RBFOX1: variants seen among roughly 807,000 people sequenced by gnomAD.
RBFOX1 encodes RNA binding protein fox-1 homolog 1.
A neutral mutation model predicts 57.7 loss-of-function variants in RBFOX1; 8 were observed. The observed-to-expected ratio is 0.14, with a 90% CI of 0.08 to 0.25. RBFOX1 has a LOEUF of 0.25. Among genes scored for constraint, RBFOX1 ranks in the 10% least tolerant of loss-of-function variants. RBFOX1 has a pLI of 1.00. For synonymous variants in RBFOX1, 326 were observed against 222.4 expected (o/e 1.47, Z -4.15); for missense variants, 611 against 548.5 (o/e 1.11, Z -1.14).
At chr16:6,838,216 C>T (rs563307370) in intron 3 of RBFOX1, among the ~76,000 whole-genome samples, 1 of 151,390 alleles carries the variant, frequency 6.6e-6, no homozygotes, top group Non-Finnish European at 1.5e-5. Flanking sequence ...GTGTATTGTT[C>T]CCTTCCCTGT....
At chr16:6,417,740 G>A (rs1490367404) in intron 2 of RBFOX1, among the ~76,000 whole-genome samples, 3 of 148,024 alleles carry the variant, frequency 2.0e-5, no homozygotes, top group Non-Finnish European at 3.0e-5. Flanking sequence ...AAGGGTATAA[G>A]TGCAGGTTTG....
chr16:7,693,413 ATCCTT>A, intron 14 of RBFOX1: 1 of 1,002,728 alleles, frequency 1.0e-6, no homozygotes, highest in Non-Finnish European at 1.4e-6. Flanking sequence ...AAGTCTCAGT[ATCCTT>A]TTTTTTTTTT....
chr16:5,735,268 A>G (rs1255087793), intron 3 of RBFOX1, among the ~76,000 whole-genome samples: 1 of 152,102 alleles, frequency 6.6e-6, no homozygotes, highest in Non-Finnish European at 1.5e-5. Flanking sequence ...TCTTCAAGCC[A>G]CTCTGCATTT....
At chr16:6,769,326 G>T (rs1012407680) in intron 3 of RBFOX1, among the ~76,000 whole-genome samples, 1 of 152,180 alleles carries the variant, frequency 6.6e-6, no homozygotes, top group African/African-American at 2.4e-5. Context: ...ATGTGGAACT[G>T]TAAGTCTATT....
chr16:5,486,838 A>G (rs938901736), intron 2 of RBFOX1, among the ~76,000 whole-genome samples: 4 of 150,802 alleles, frequency 2.7e-5, no homozygotes, highest in Non-Finnish European at 4.4e-5. Flanking sequence ...CTTGCTGGAG[A>G]TTTAAGAATA....
rs148963721 is a variant in RBFOX1, at chr16:6,517,206, C to T, written c.-63-137397C>T. Among the ~76,000 whole-genome samples, 745 of 152,132 alleles carry T rather than the reference C, an allele frequency of 4.9e-3. 9 individuals carry two copies. The highest frequency in any genetic ancestry group is 0.016 in the African/African-American group (669 of 41,508). On this transcript the variant is annotated intron_variant, in intron 2 of 15. Transcript: ENST00000550418. ...TCTGACAAGCCACTTTATGGAAGGG[C>T]GTGATGATATATGGCCTTCCCCTGC...
rs541715604 is a variant in RBFOX1, at chr16:5,675,617, C to T, written c.318+76656C>T. The stretch of plus-strand genomic sequence containing the variant: ...TGGCAACGGAGCCTCAACACTGAGC[C>T]TTCTTGGATGGCTTCCGCGTGTCAT... On this transcript the variant is annotated intron_variant, in intron 3 of 19. Coordinates refer to the RBFOX1 transcript ENST00000641259. Among the ~76,000 whole-genome samples, 9 of 152,334 alleles carry T rather than the reference C, an allele frequency of 5.9e-5. No homozygotes were observed. The East Asian group carries it at 1.3e-3, about 23-fold the overall frequency.
chr16:6,853,550 G>T (rs886829508), intron 3 of RBFOX1, among the ~76,000 whole-genome samples: 1 of 152,048 alleles, frequency 6.6e-6, no homozygotes, highest in Non-Finnish European at 1.5e-5. Flanking sequence ...TCAGAATTTG[G>T]GTTATGAGTG....
intron 3 of RBFOX1, among the ~76,000 whole-genome samples, chr16:6,663,327 G>A (rs192857430): frequency 6.1e-4 from 93 of 152,282 alleles, no homozygotes; most frequent in African/African-American, 2.1e-3. Flanking sequence ...GAAAGGAGTT[G>A]ATCAACACTG....
At chr16:5,700,590 C>G (rs1386391140) in intron 3 of RBFOX1, among the ~76,000 whole-genome samples, 1 of 152,052 alleles carries the variant, frequency 6.6e-6, no homozygotes, top group Non-Finnish European at 1.5e-5. Context: ...TTCATTGATC[C>G]TGGTTGGAAC....
intron 3 of RBFOX1, among the ~76,000 whole-genome samples, chr16:6,848,853 T>C (rs2093910515): frequency 6.6e-6 from 1 of 152,142 alleles, no homozygotes; most frequent in Non-Finnish European, 1.5e-5. Flanking sequence ...ATGACCCAAA[T>C]TCACTGATTG....
chr16:6,345,347 A>G (rs1436446179), intron 2 of RBFOX1, among the ~76,000 whole-genome samples: 2 of 152,198 alleles, frequency 1.3e-5, no homozygotes, highest in Admixed American at 6.5e-5. Context: ...CTGCAGCAAT[A>G]TTTATGCCCA....
chr16:6,681,077 G>C (rs560259271), intron 3 of RBFOX1, among the ~76,000 whole-genome samples: 205 of 152,284 alleles, frequency 1.3e-3, no homozygotes, highest in Admixed American at 2.4e-3. Flanking sequence ...TTGCAAGGCT[G>C]AGGTGGGTGG....
intron 1 of RBFOX1, among the ~76,000 whole-genome samples, chr16:6,153,671 G>A (rs892496939): frequency 2.6e-5 from 4 of 152,060 alleles, no homozygotes; most frequent in Non-Finnish European, 4.4e-5. Flanking sequence ...TAGTAGCTGG[G>A]ATTACAGGTG....
chr16:5,732,789 C>T (rs1162275508), intron 3 of RBFOX1, among the ~76,000 whole-genome samples: 3 of 152,098 alleles, frequency 2.0e-5, no homozygotes, highest in Middle Eastern at 3.2e-3. Context: ...GAGAACAAAG[C>T]CGGGCTTGTT....
chr16:5,923,414 G>C (rs1455069459), intron 4 of RBFOX1, among the ~76,000 whole-genome samples: 1 of 151,718 alleles, frequency 6.6e-6, no homozygotes, highest in Non-Finnish European at 1.5e-5. Context: ...TTCAGGATTA[G>C]CCCCAGCTCC....
chr16:6,662,480 AG>A (rs2098707720), intron 3 of RBFOX1, among the ~76,000 whole-genome samples: 1 of 152,200 alleles, frequency 6.6e-6, no homozygotes, highest in Non-Finnish European at 1.5e-5. Context: ...ATTTTCCTGC[AG>A]GCCGGTATTG....
At chr16:7,333,325 T>C (rs1301460461) in intron 4 of RBFOX1, among the ~76,000 whole-genome samples, 5 of 152,214 alleles carry the variant, frequency 3.3e-5, no homozygotes, top group African/African-American at 9.7e-5. Flanking sequence ...CTGACTGCTA[T>C]TTAACATTCA....
chr16:5,571,794 C>T lies in RBFOX1; in HGVS notation c.259-27108C>T, dbSNP rs115691145. The stretch of plus-strand genomic sequence containing the variant: ...GCTCAGGGTCCTTGTTCACTAGAAG[C>T]AAGGAGCCCCCTTACCTCTTCTTCC... On this transcript the variant is annotated intron_variant, in intron 2 of 2. Coordinates refer to the RBFOX1 transcript ENST00000585867. Among the ~76,000 whole-genome samples the T allele has an allele frequency of 9.5e-3, 1,443 of 152,308 alleles. 27 individuals are homozygous for T. Among genetic ancestry groups the T allele is most frequent in the African/African-American group, 0.033 (1,377 of 41,560 alleles).
Sources: allele counts gnomAD v4.1 joint callset (sites outside exome capture counted in the v4.1 genomes callset), GRCh38; gene constraint gnomAD v4.1.1; transcripts MANE v1.5; gene names NCBI Gene and HGNC (gene_info 2026-07-23, HGNC 2026-07-21).